SCFD2: variants seen among roughly 807,000 people sequenced by gnomAD.
SCFD2 encodes sec1 family domain-containing protein 2.
A neutral mutation model predicts 58.9 loss-of-function variants in SCFD2; 54 were observed. The observed-to-expected ratio is 0.92, with a 90% CI of 0.74 to 1.15. The LOEUF is 1.15. SCFD2 is among the 50% of genes most tolerant of loss of function. The probability of loss-of-function intolerance (pLI) is 0.00; values close to 1 mark genes in which losing one functional copy is unlikely to be tolerated. For missense variants in SCFD2, 805 were observed against 836.6 expected, an observed-to-expected ratio of 0.96 and a Z score of 0.47; for synonymous variants, 321 against 335.9, an observed-to-expected ratio of 0.96 and a Z score of 0.49.
intron 5 of SCFD2, among the ~76,000 whole-genome samples, chr4:53,077,952 G>C (rs887308621): frequency 6.6e-6 from 1 of 152,048 alleles, no homozygotes; most frequent in South Asian, 2.1e-4. Context: ...AAAATTCTAC[G>C]TGAGAGCTTG....
At chr4:53,229,822 G>T (rs1388892969) in intron 4 of SCFD2, among the ~76,000 whole-genome samples, 1 of 152,184 alleles carries the variant, frequency 6.6e-6, no homozygotes, top group East Asian at 1.9e-4. Context: ...ACTACCATCA[G>T]AGTGAACAGG....
chr4:53,156,801 G>A (rs113624374), intron 4 of SCFD2, among the ~76,000 whole-genome samples: 60 of 152,358 alleles, frequency 3.9e-4, no homozygotes, highest in African/African-American at 1.4e-3. Context: ...ATGGGAGTAT[G>A]TATGAAGCAC....
chr4:53,047,076 A>T (rs1723059441), intron 5 of SCFD2, among the ~76,000 whole-genome samples: 1 of 152,170 alleles, frequency 6.6e-6, no homozygotes, highest in South Asian at 2.1e-4. Flanking sequence ...TATATTCCAA[A>T]AATTGTTCTA....
chr4:52,892,727 C>T (rs1220364427), intron 7 of SCFD2, among the ~76,000 whole-genome samples: 4 of 152,224 alleles, frequency 2.6e-5, no homozygotes, highest in African/African-American at 9.7e-5. Flanking sequence ...CTGCAATCCT[C>T]AATTTTCTTA....
At chr4:53,148,957 CTA>C (rs1726422682) in intron 4 of SCFD2, among the ~76,000 whole-genome samples, 1 of 152,188 alleles carries the variant, frequency 6.6e-6, no homozygotes, top group Non-Finnish European at 1.5e-5. Context: ...CTGCAGTGAG[CTA>C]TGATTGTGCC....
At chr4:53,298,363 G>A (rs62324291) in intron 3 of SCFD2, among the ~76,000 whole-genome samples, 8,615 of 152,242 alleles carry the variant, frequency 0.057, 306 homozygotes, top group Middle Eastern at 0.12. Flanking sequence ...ACAGCAGTCT[G>A]AGATCAAACG....
chr4:52,942,912 T>C (rs972632297), intron 5 of SCFD2, among the ~76,000 whole-genome samples: 15 of 151,170 alleles, frequency 9.9e-5, no homozygotes, highest in African/African-American at 3.4e-4. Flanking sequence ...GCTAAGGATA[T>C]GACCTATATA....
At chr4:53,225,359 A>T (rs1379150084) in intron 4 of SCFD2, among the ~76,000 whole-genome samples, 1 of 152,174 alleles carries the variant, frequency 6.6e-6, no homozygotes, top group African/African-American at 2.4e-5. Context: ...GGAAAACTGA[A>T]CATTTTTTTC....
intron 5 of SCFD2, among the ~76,000 whole-genome samples, chr4:53,022,023 G>A (rs1407062000): frequency 3.3e-5 from 5 of 152,156 alleles, no homozygotes; most frequent in Admixed American, 2.6e-4. Context: ...GTATCATAGA[G>A]CATGATGGTA....
intron 5 of SCFD2, among the ~76,000 whole-genome samples, chr4:53,138,665 T>C (rs1181137846): frequency 2.0e-5 from 3 of 152,242 alleles, no homozygotes; most frequent in Admixed American, 2.0e-4. Flanking sequence ...TCCTCAAAAG[T>C]ATCTATGAAA....
rs1463372130 is a variant in SCFD2, at chr4:53,340,373, A to G, written c.1007+12225T>C. On this transcript the variant is annotated intron_variant, in intron 2 of 8. Transcript: ENST00000401642. The stretch of plus-strand genomic sequence containing the variant: ...AAGCCTCGCTCATTGCTAGCACAGC[A>G]GTCTGAGATCAAACTACAAGGCGGC... 2.6e-5 allele frequency among the ~76,000 whole-genome samples: 4 copies of G among 152,204 alleles called. No individual in the cohort carries two copies. In the South Asian group the frequency reaches 6.2e-4, roughly 24 times the overall value.
chr4:52,926,075 T>C (rs1719856620), intron 5 of SCFD2, among the ~76,000 whole-genome samples: 1 of 152,000 alleles, frequency 6.6e-6, no homozygotes, highest in African/African-American at 2.4e-5. Flanking sequence ...ACAGTGTGGG[T>C]CCATTTCCAG....
intron 2 of SCFD2, among the ~76,000 whole-genome samples, chr4:53,342,044 A>G (rs1733894745): frequency 6.6e-6 from 1 of 152,264 alleles, no homozygotes; most frequent in Admixed American, 6.5e-5. Flanking sequence ...AAGAAACTGC[A>G]TCAAGTAATG....
chr4:53,350,503 C>T (rs1417092617), intron 2 of SCFD2, among the ~76,000 whole-genome samples: 5 of 152,184 alleles, frequency 3.3e-5, no homozygotes, highest in Non-Finnish European at 5.9e-5. Flanking sequence ...ACCCAATACC[C>T]TTTAAAAACC....
chr4:53,267,194 G>C (rs951698201), intron 4 of SCFD2, among the ~76,000 whole-genome samples: 1 of 152,144 alleles, frequency 6.6e-6, no homozygotes, highest in African/African-American at 2.4e-5. Context: ...TGGTGGAAAT[G>C]AGTCTCCCAA....
At chr4:53,200,778 T>C (rs1327226803) in intron 4 of SCFD2, among the ~76,000 whole-genome samples, 1 of 152,178 alleles carries the variant, frequency 6.6e-6, no homozygotes, top group African/African-American at 2.4e-5. Context: ...GCCTACATTG[T>C]GACCTGTGTA....
At chr4:53,360,804 G>C (rs537933093) in intron 1 of SCFD2, among the ~76,000 whole-genome samples, 1 of 152,252 alleles carries the variant, frequency 6.6e-6, no homozygotes, top group South Asian at 2.1e-4. Context: ...GTAACTTTTG[G>C]GGGTTCAATC....
chr4:53,257,949 T>A (rs962114262), intron 4 of SCFD2, among the ~76,000 whole-genome samples: 2 of 152,130 alleles, frequency 1.3e-5, no homozygotes, highest in African/African-American at 4.8e-5. Flanking sequence ...AGTCCCTCCC[T>A]ACATGTTATG....
Position 53,211,272 on chromosome 4 carries a change from T to C in SCFD2, c.1311+62554A>G, listed in dbSNP as rs1045388189. Among the ~76,000 whole-genome samples, 48 of 150,086 alleles carry C rather than the reference T, an allele frequency of 3.2e-4. 1 individual carries two copies. Among genetic ancestry groups the C allele is most frequent in the African/African-American group, 1.2e-3 (48 of 40,916 alleles). On this transcript the variant is annotated intron_variant, in intron 4 of 8. Coordinates refer to ENST00000401642, the MANE Select transcript of SCFD2 (RefSeq NM_152540.4). ...AAAAAAAAAATCCAAGAGAACTGTG[T>C]TCAGAGAGGTTCCAGATAGCTGAAC...
Sources: allele counts gnomAD v4.1 joint callset (sites outside exome capture counted in the v4.1 genomes callset), GRCh38; gene constraint gnomAD v4.1.1; transcripts MANE v1.5; gene names NCBI Gene and HGNC (gene_info 2026-07-23, HGNC 2026-07-21).